NMRK1: variants seen among roughly 807,000 people sequenced by gnomAD.
The protein encoded by NMRK1 is nicotinamide riboside kinase 1.
In NMRK1, 28 loss-of-function variants were observed where a neutral mutation model predicts 29.9. The observed-to-expected ratio is 0.94, with a 90% confidence interval of 0.69 to 1.28. The LOEUF is 1.28. Ranked by LOEUF, NMRK1 falls within the 50% of genes most tolerant of loss-of-function variation. The pLI, the probability that NMRK1 is intolerant of heterozygous loss-of-function variation, is 0.00. For missense variants in NMRK1, 218 were observed against 233.1 expected (o/e 0.94, Z 0.42); for synonymous variants, 58 against 73.0 (o/e 0.79, Z 1.05).
intron 4 of NMRK1, among the ~76,000 whole-genome samples, chr9:75,070,341 A>G (rs189171670): frequency 1.6e-4 from 25 of 152,330 alleles, no homozygotes; most frequent in African/African-American, 5.3e-4. Flanking sequence ...TGCTTTACTT[A>G]TAACTTCGAT....
intron 2 of NMRK1, chr9:75,078,322 C>T: frequency 6.4e-7 from 1 of 1,566,920 alleles, no homozygotes. Flanking sequence ...ACAAGCCCAC[C>T]TACCATGAAA....
intron 4 of NMRK1, among the ~76,000 whole-genome samples, chr9:75,073,437 TG>T (rs1361875123): frequency 1.3e-5 from 2 of 152,176 alleles, no homozygotes; most frequent in Non-Finnish European, 2.9e-5. Flanking sequence ...CAAAGGAAGT[TG>T]TGTTAAAATC....
At position 75,066,745 on chromosome 9, in the gene NMRK1, C is replaced by T. The variant is rs765623943; in HGVS notation, c.580+12G>A. 3.4e-6 allele frequency: 5 copies of T among 1,474,776 alleles called. No individual in the cohort carries two copies. The Admixed American group carries it at 8.4e-5, about 25-fold the overall frequency. 91.4% of individuals were successfully genotyped at this position (1,474,776 alleles called of 1,614,324 possible). On this transcript the variant is annotated intron_variant, in intron 8 of 8. Coordinates refer to ENST00000361092, the MANE Select transcript of NMRK1 (RefSeq NM_017881.3). Reference sequence around the variant, plus strand: ...TCTCCTCTACCATCCACTTTGTTAGCACAATACTTACACTTTTGCTTTGCT... The same window carrying T: ...TCTCCTCTACCATCCACTTTGTTAGTACAATACTTACACTTTTGCTTTGCT...
intron 1 of NMRK1, among the ~76,000 whole-genome samples, chr9:75,086,810 C>G (rs747311314): frequency 2.6e-5 from 4 of 152,098 alleles, no homozygotes; most frequent in Non-Finnish European, 4.4e-5. Context: ...TTCTATCCAA[C>G]AGCTATTTTG....
chr9:75,083,053 A>G (rs749172718), intron 2 of NMRK1, 34 bp downstream of exon 2: 3 of 1,485,490 alleles, frequency 2.0e-6, no homozygotes, highest in Non-Finnish European at 2.8e-6. Context: ...CATCCTCAGT[A>G]TCTTAAAGAG....
chr9:75,066,374 C>A (rs1823349492), intron 8 of NMRK1: 1 of 444,738 alleles, frequency 2.2e-6, no homozygotes, highest in Non-Finnish European at 4.4e-6. Context: ...AGAAATTTTA[C>A]AGAAAGTCTT....
intron 1 of NMRK1, among the ~76,000 whole-genome samples, 156 bp from the exon 2 acceptor site, chr9:75,083,306 T>C (rs1470569223): frequency 6.6e-6 from 1 of 152,230 alleles, no homozygotes; most frequent in East Asian, 1.9e-4. Context: ...CCGCACTGGC[T>C]TCCCCTGCTA....
intron 2 of NMRK1, 50 bp downstream of exon 2, chr9:75,083,037 T>C (rs767227223): frequency 7.4e-7 from 1 of 1,343,288 alleles, no homozygotes; most frequent in Non-Finnish European, 1.1e-6. Flanking sequence ...AGAAACACCA[T>C]TTGGACATCC....
chr9:75,064,928 T>C (rs1266173369), intron 8 of NMRK1, among the ~76,000 whole-genome samples: 1 of 152,240 alleles, frequency 6.6e-6, no homozygotes, highest in African/African-American at 2.4e-5. Flanking sequence ...TCTACAGTTT[T>C]GTCCCTTAAG....
intron 6 of NMRK1, 185 bp downstream of exon 6, chr9:75,069,557 A>G (rs1046964256): frequency 1.4e-5 from 8 of 567,374 alleles, no homozygotes; most frequent in Non-Finnish European, 2.4e-5. Context: ...CTTAGAAAGT[A>G]ATTTGCATTA....
At chr9:75,067,420 A>G (rs1472999158) in intron 7 of NMRK1, among the ~76,000 whole-genome samples, 2 of 152,192 alleles carry the variant, frequency 1.3e-5, no homozygotes, top group Non-Finnish European at 2.9e-5. Context: ...GAGAAAAAGT[A>G]GAAGTTGTCT....
chr9:75,077,638 AC>A, intron 2 of NMRK1, 58 bp from the exon 3 acceptor site: 1 of 1,185,590 alleles, frequency 8.4e-7, no homozygotes, highest in Non-Finnish European at 1.2e-6. Flanking sequence ...ATCATTAAAC[AC>A]TTTTTTTTTT....
chr9:75,061,948 C>T lies in NMRK1; in HGVS notation c.581-381G>A, dbSNP rs569325684. ...TGTTACTTTAATCCCTTTTCTTAAACGAAGGAAGCCCAGTGGAATACTTGA... is the reference window on the plus strand; with the variant it reads ...TGTTACTTTAATCCCTTTTCTTAAATGAAGGAAGCCCAGTGGAATACTTGA... On this transcript the variant is annotated intron_variant, in intron 8 of 8. Coordinates refer to ENST00000361092, the MANE Select transcript of NMRK1 (RefSeq NM_017881.3). Among the ~76,000 whole-genome samples, 10 of 152,210 alleles carry T rather than the reference C, an allele frequency of 6.6e-5. 1 individual carries two copies. The South Asian group carries it at 8.3e-4, about 13-fold the overall frequency.
At chr9:75,077,098 T>C in intron 4 of NMRK1, 61 bp downstream of exon 4, 1 of 1,045,024 alleles carries the variant, frequency 9.6e-7, no homozygotes, top group Non-Finnish European at 1.5e-6. Context: ...AGTGAAGTTC[T>C]TTGGGTTTGA....
chr9:75,061,230 T>C lies in NMRK1; in HGVS notation c.*318A>G, dbSNP rs1378263492. 2.2e-5 allele frequency: 7 copies of C among 321,046 alleles called. No individual in the cohort carries two copies. The East Asian group carries it at 3.2e-4, about 15-fold the overall frequency. 19.9% of individuals were successfully genotyped at this position (321,046 alleles called of 1,614,324 possible). On this transcript the variant is annotated 3_prime_UTR_variant, in exon 9 of 9. Transcript: ENST00000361092. ...TTGTGATGTAATCTTTATTTCTTAC[T>C]CTGAGCTCCAGTTAGAAAAGTTTGA...
chr9:75,079,708 G>A lies in NMRK1; in HGVS notation c.30-2128C>T, dbSNP rs189699992. Among the ~76,000 whole-genome samples, 6 of 152,238 alleles carry A rather than the reference G, an allele frequency of 3.9e-5. No homozygotes were observed. The East Asian group carries it at 1.2e-3, about 29-fold the overall frequency. On this transcript the variant is annotated intron_variant, in intron 2 of 8. Transcript: ENST00000361092. ...TGACAGCTCAGGCCACCCAAAACAT[G>A]GCGGAAAGGAATAGGAACCTTCCTT...
In NMRK1 at chr9:75,061,443, T is replaced by C. The variant is rs1823014050; in HGVS notation, c.*105A>G. ...AATAAAAATCAAACATATGAAACAA[T>C]GGCTGTCATTGTACCACAGTATACA... is the stretch of plus-strand genomic sequence containing the variant. On this transcript the variant is annotated 3_prime_UTR_variant, in exon 9 of 9. Transcript: ENST00000361092. The C allele has an allele frequency of 4.8e-6, 4 of 834,296 alleles. No individual in the cohort carries two copies. Among genetic ancestry groups the C allele is most frequent in the East Asian group, 2.5e-5 (1 of 40,704 alleles). The allele number at this position is 834,296 out of a possible 1,614,324, so 51.7% of individuals were successfully genotyped here.
chr9:75,078,354 T>G lies in NMRK1; in HGVS notation c.30-774A>C, dbSNP rs372664763. 4.4e-6 allele frequency: 7 copies of G among 1,573,174 alleles called. No individual in the cohort carries two copies. In the African/African-American group the frequency reaches 8.1e-5, roughly 18 times the overall value. Reference sequence around the variant, plus strand: ...GAAATCACATTTCCTCTGCGATGCCTCCTTTTCCCCATCTCTCTCCACCTG... The same window carrying G: ...GAAATCACATTTCCTCTGCGATGCCGCCTTTTCCCCATCTCTCTCCACCTG... On this transcript the variant is annotated intron_variant, in intron 2 of 8. Coordinates refer to ENST00000361092, the MANE Select transcript of NMRK1 (RefSeq NM_017881.3).
At chr9:75,074,395 TA>T (rs1383762324) in intron 4 of NMRK1, among the ~76,000 whole-genome samples, 3 of 151,972 alleles carry the variant, frequency 2.0e-5, no homozygotes, top group Non-Finnish European at 4.4e-5. Context: ...TTGATTTATT[TA>T]TTTATTTTTT....
Sources: gnomAD v4.1 joint callset for allele counts (sites outside exome capture counted in the v4.1 genomes callset) on GRCh38, gnomAD v4.1.1 for gene constraint, MANE v1.5 for transcripts, NCBI Gene and HGNC (gene_info 2026-07-23, HGNC 2026-07-21) for gene names.